Variants in TNC observed in about 807,000 individuals in gnomAD.
TNC encodes tenascin C, also known as tenascin.
A neutral mutation model predicts 202.4 loss-of-function variants in TNC; 109 were observed. The observed-to-expected ratio is 0.54, with a 90% CI of 0.46 to 0.63. TNC has a LOEUF of 0.63. Ranked by LOEUF, TNC falls within the 30% of genes least tolerant of loss-of-function variation. The pLI is 0.00. For missense variants in TNC, 2,756 were observed against 2,833.3 expected (o/e 0.97, Z 0.62); for synonymous variants, 1,007 against 1,089.7 (o/e 0.92, Z 1.50).
chr9:115,046,446 T>C lies in TNC; in HGVS notation c.5089A>G (p.Arg1697Gly). 1.2e-6 allele frequency: 2 copies of C among 1,614,182 alleles called. No homozygotes were observed. The highest frequency in any genetic ancestry group is 8.5e-7 in the Non-Finnish European group (1 of 1,179,988). The change falls in exon 17 of 28, where the codon AGG becomes GGG. Residue 1697 changes from arginine (R) to glycine (G), a missense_variant. Physicochemically the swap from Arg to Gly is moderately radical, Grantham distance 125. Coordinates refer to ENST00000350763, the MANE Select transcript of TNC (RefSeq NM_002160.4). Reference sequence around the variant, plus strand: ...ATAGCACTGACTGTCTGGGATCGCCTTCCTTTGCTTATTCCATAGAGTTCA... The same window carrying C: ...ATAGCACTGACTGTCTGGGATCGCCCTCCTTTGCTTATTCCATAGAGTTCA... ...EIELYGISKG[R>G]RSQTVSAIAT...
Position 115,081,941 on chromosome 9 carries a change from G to A in TNC, c.2248-13C>T. 1 of 1,578,942 alleles carries A rather than the reference G, an allele frequency of 6.3e-7. No homozygotes were observed. Among genetic ancestry groups the A allele is most frequent in the Non-Finnish European group, 8.5e-7 (1 of 1,171,162 alleles). ...CATCTTCTTTATTCTGAGAGATAGA[G>A]GCAGCTTGGTAAGAGTTAGGGGAGG... On this transcript the variant is annotated splice_polypyrimidine_tract_variant and intron_variant, in intron 5 of 27. Transcript: ENST00000350763.
chr9:115,043,270 G>C (rs1010699654), intron 17 of TNC, among the ~76,000 whole-genome samples: 5 of 151,976 alleles, frequency 3.3e-5, no homozygotes, highest in South Asian at 2.1e-4. Context: ...ATTCAGCAAG[G>C]GTTTTTTTTT....
intron 1 of TNC, among the ~76,000 whole-genome samples, chr9:115,097,176 A>G (rs1835860077): frequency 6.6e-6 from 1 of 152,180 alleles, no homozygotes; most frequent in African/African-American, 2.4e-5. Flanking sequence ...ATCCAGTTCT[A>G]TCACTTTAGC....
At chr9:115,043,238 T>C (rs1044710643) in intron 17 of TNC, among the ~76,000 whole-genome samples, 2 of 152,196 alleles carry the variant, frequency 1.3e-5, no homozygotes, top group African/African-American at 2.4e-5. Context: ...ACAGGGATTA[T>C]TACATGCTGA....
chr9:115,114,383 C>T (rs1018824034), intron 1 of TNC, among the ~76,000 whole-genome samples: 3 of 152,204 alleles, frequency 2.0e-5, no homozygotes, highest in Non-Finnish European at 4.4e-5. Flanking sequence ...CTTTACCTAC[C>T]AATCAGCCCT....
chr9:115,032,367 G>A (rs1230984005), intron 22 of TNC, among the ~76,000 whole-genome samples: 1 of 152,166 alleles, frequency 6.6e-6, no homozygotes, highest in African/African-American at 2.4e-5. Flanking sequence ...TTTGGAACTT[G>A]AAGTTTATCA....
chr9:115,077,091 C>T (rs1200001889), intron 7 of TNC, among the ~76,000 whole-genome samples: 1 of 152,034 alleles, frequency 6.6e-6, no homozygotes, highest in Non-Finnish European at 1.5e-5. Context: ...GACGGAGTCT[C>T]GCTCTTCACC....
chr9:115,064,598 G>C (rs780757437), intron 11 of TNC, 49 bp downstream of exon 11: 1 of 1,551,956 alleles, frequency 6.4e-7, no homozygotes, highest in South Asian at 1.2e-5. Flanking sequence ...TTCATGGGCA[G>C]TTTCCTGCTG....
At chr9:115,042,477 T>C in intron 17 of TNC, 136 bp from the exon 18 acceptor site, 1 of 1,146,430 alleles carries the variant, frequency 8.7e-7, no homozygotes, top group South Asian at 1.6e-5. Context: ...GGATGGAGAA[T>C]GTGGTGATCT....
At chr9:115,101,173 T>A (rs894125305) in intron 1 of TNC, among the ~76,000 whole-genome samples, 1 of 152,210 alleles carries the variant, frequency 6.6e-6, no homozygotes, top group Non-Finnish European at 1.5e-5. Context: ...TTCTGTATAA[T>A]CGCAAAGCTC....
intron 4 of TNC, among the ~76,000 whole-genome samples, chr9:115,083,725 C>G (rs771030483): frequency 6.6e-6 from 1 of 151,832 alleles, no homozygotes; most frequent in Non-Finnish European, 1.5e-5. Context: ...CTGCCTCAGC[C>G]TCCTGAGTAG....
At chr9:115,092,012 TAGAAATA>T (rs560794971) in intron 1 of TNC, among the ~76,000 whole-genome samples, 63 of 152,228 alleles carry the variant, frequency 4.1e-4, no homozygotes, top group Non-Finnish European at 8.4e-4. Context: ...CTGAGGGTGG[TAGAAATA>T]AATATAAGAC....
intron 14 of TNC, among the ~76,000 whole-genome samples, chr9:115,058,542 T>C (rs1474262681): frequency 6.6e-6 from 1 of 152,166 alleles, no homozygotes; most frequent in Non-Finnish European, 1.5e-5. Flanking sequence ...GAGGTCCGGG[T>C]GCCTTCAGAG....
In TNC at chr9:115,020,677, T is replaced by G; in HGVS notation, c.*480A>C. 2.9e-6 allele frequency: 1 copy of G among 344,646 alleles called. No individual in the cohort carries two copies. Among genetic ancestry groups the G allele is most frequent in the South Asian group, 2.5e-5 (1 of 39,960 alleles). 21.3% of individuals were successfully genotyped at this position (344,646 alleles called of 1,614,324 possible). ...TATATTAATAATATTAATCATATCC[T>G]TAAAATGGAAACAGTATTGCTTTTC... On this transcript the variant is annotated 3_prime_UTR_variant, in exon 28 of 28. Coordinates refer to ENST00000350763, the MANE Select transcript of TNC (RefSeq NM_002160.4).
intron 2 of TNC, 58 bp from the exon 3 acceptor site, chr9:115,087,331 T>G: frequency 6.4e-7 from 1 of 1,560,486 alleles, no homozygotes; most frequent in African/African-American, 1.4e-5. Flanking sequence ...TTTTTCTGTA[T>G]CTACCCAGGG....
At chr9:115,091,820 C>T (rs763649233) in intron 1 of TNC, among the ~76,000 whole-genome samples, 26 of 152,218 alleles carry the variant, frequency 1.7e-4, no homozygotes, top group Non-Finnish European at 3.2e-4. Flanking sequence ...TACTCCTCTG[C>T]ACCTCAGTTT....
chr9:115,031,409 C>A, intron 23 of TNC, 144 bp downstream of exon 23: 1 of 949,030 alleles, frequency 1.1e-6, no homozygotes, highest in East Asian at 3.1e-5. Context: ...CATTTGCTTT[C>A]CTCAGGCTTC....
At chr9:115,092,638 A>C (rs1835316227) in intron 1 of TNC, among the ~76,000 whole-genome samples, 1 of 152,006 alleles carries the variant, frequency 6.6e-6, no homozygotes, top group Non-Finnish European at 1.5e-5. Context: ...CAATGGCATG[A>C]TCTTGACTCT....
rs1211490865 is a variant in TNC at position 115,087,285 on chromosome 9, G to C, written c.458-12C>G. ...GGTGTCCAAGCGGCCTGCAACAAAA[G>C]AAACAGAAGTTCTCAGCCAGGCTTA... On this transcript the variant is annotated splice_polypyrimidine_tract_variant and intron_variant, in intron 2 of 27. Coordinates refer to ENST00000350763, the MANE Select transcript of TNC (RefSeq NM_002160.4). 2 of 1,608,190 alleles carry C rather than the reference G, an allele frequency of 1.2e-6. No homozygotes were observed. Among genetic ancestry groups the C allele is most frequent in the Non-Finnish European group, 1.7e-6 (2 of 1,175,440 alleles).
Sources: gnomAD v4.1 joint callset for allele counts (sites outside exome capture counted in the v4.1 genomes callset) on GRCh38, gnomAD v4.1.1 for gene constraint, MANE v1.5 for transcripts, NCBI Gene and HGNC (gene_info 2026-07-23, HGNC 2026-07-21) for gene names.